DIAPH2: variants seen among roughly 807,000 people sequenced by gnomAD.
DIAPH2 encodes the protein diaphanous related formin 2.
DIAPH2 carries 35 observed loss-of-function variants against 92.7 expected under a neutral mutation model. That is an observed-to-expected ratio of 0.38 (90% CI 0.29 to 0.50). The LOEUF is 0.50. Ranked by LOEUF, DIAPH2 falls within the 20% of genes least tolerant of loss-of-function variation. DIAPH2 has a pLI of 0.94. For missense variants in DIAPH2, 701 were observed against 819.5 expected (o/e 0.86, Z 1.77); for synonymous variants, 301 against 280.4 (o/e 1.07, Z -0.73).
chrX:97,511,635 G>T (rs1274349963), intron 26 of DIAPH2, among the ~76,000 whole-genome samples: 97 of 109,887 alleles, frequency 8.8e-4, no homozygotes, highest in African/African-American at 3.2e-3. Context: ...GTATGATATT[G>T]GCTGTGGGTT....
intron 22 of DIAPH2, among the ~76,000 whole-genome samples, chrX:97,198,684 G>C (rs2147490398): frequency 9.0e-6 from 1 of 111,031 alleles, no homozygotes; most frequent in South Asian, 3.8e-4. Flanking sequence ...GCCAGCTACT[G>C]CATTTTTTAT....
chrX:96,895,362 TA>T (rs1289136173), intron 5 of DIAPH2, among the ~76,000 whole-genome samples: 1 of 111,568 alleles, frequency 9.0e-6, no homozygotes, highest in Non-Finnish European at 1.9e-5. Flanking sequence ...ATATAAAGGA[TA>T]TTAGATAAAT....
chrX:97,579,859 A>C (rs1013802816), intron 26 of DIAPH2, among the ~76,000 whole-genome samples: 2 of 109,661 alleles, frequency 1.8e-5, no homozygotes, highest in African/African-American at 6.7e-5. Flanking sequence ...AGCGGTTTGT[A>C]GTTCTCCTTG....
rs145423871 is a variant in DIAPH2 at position 97,472,198 on chromosome X, A to T, written c.3241+42453A>T. On this transcript the variant is annotated intron_variant, in intron 26 of 26. Coordinates refer to ENST00000324765, the MANE Select transcript of DIAPH2 (RefSeq NM_006729.5). Reference sequence around the variant, plus strand: ...TTTCAAATCATAGAGTTGAAAATTCATGCTGTGCTCTAGGCATTATTGATC... The same window carrying T: ...TTTCAAATCATAGAGTTGAAAATTCTTGCTGTGCTCTAGGCATTATTGATC... Among the ~76,000 whole-genome samples, 833 of 112,382 alleles carry T rather than the reference A, an allele frequency of 7.4e-3. 7 individuals carry two copies. The highest frequency in any genetic ancestry group is 0.012 in the Non-Finnish European group (653 of 53,290).
At chrX:97,269,652 A>G (rs1315635370) in intron 23 of DIAPH2, among the ~76,000 whole-genome samples, 2 of 111,854 alleles carry the variant, frequency 1.8e-5, no homozygotes, top group African/African-American at 3.2e-5. Context: ...TAACATCCAC[A>G]TGTCTGTGAG....
intron 23 of DIAPH2, among the ~76,000 whole-genome samples, chrX:97,266,142 TGTACA>T (rs1232794535): frequency 8.9e-6 from 1 of 111,919 alleles, no homozygotes; most frequent in African/African-American, 3.2e-5. Flanking sequence ...ATTGACCCTT[TGTACA>T]TTTCTCAAAT....
chrX:96,989,154 C>G (rs1330937983), intron 17 of DIAPH2, among the ~76,000 whole-genome samples: 1 of 111,629 alleles, frequency 9.0e-6, no homozygotes, highest in Non-Finnish European at 1.9e-5. Flanking sequence ...TTATCTTGTT[C>G]TTGTGGTTGA....
At chrX:97,229,795 TAA>T (rs758852769) in intron 22 of DIAPH2, among the ~76,000 whole-genome samples, 175 of 98,188 alleles carry the variant, frequency 1.8e-3, no homozygotes, top group African/African-American at 5.8e-3. Flanking sequence ...TTATATATAA[TAA>T]GATATAATAT....
intron 17 of DIAPH2, among the ~76,000 whole-genome samples, chrX:96,969,898 G>A (rs762774549): frequency 9.0e-6 from 1 of 110,912 alleles, no homozygotes; most frequent in Non-Finnish European, 1.9e-5. Context: ...TTATTTTGAG[G>A]TGTACCTAGT....
intron 22 of DIAPH2, among the ~76,000 whole-genome samples, chrX:97,213,528 A>G (rs948962213): frequency 6.3e-5 from 7 of 111,820 alleles, no homozygotes; most frequent in African/African-American, 1.9e-4. Context: ...ACTAAATACT[A>G]TTATATGTCA....
At chrX:97,450,883 CTTT>C (rs35721417) in intron 26 of DIAPH2, among the ~76,000 whole-genome samples, 3 of 94,571 alleles carry the variant, frequency 3.2e-5, no homozygotes, top group Non-Finnish European at 4.2e-5. Flanking sequence ...CAATGGGCTA[CTTT>C]TTTTTTTTTT....
intron 4 of DIAPH2, 21 bp from the exon 5 acceptor site, chrX:96,881,558 G>T: frequency 8.5e-7 from 1 of 1,175,743 alleles, no homozygotes; most frequent in Non-Finnish European, 1.1e-6. Flanking sequence ...GTCTAAAATG[G>T]TCTCTTTGTT....
At chrX:97,362,504 G>A (rs920086708) in intron 24 of DIAPH2, among the ~76,000 whole-genome samples, 4 of 112,192 alleles carry the variant, frequency 3.6e-5, no homozygotes, top group Non-Finnish European at 5.6e-5. Context: ...CACTGTTTGC[G>A]TTCTGTCTTT....
chrX:97,051,223 T>A (rs1317451092), intron 17 of DIAPH2, among the ~76,000 whole-genome samples: 1 of 111,242 alleles, frequency 9.0e-6, no homozygotes, highest in Non-Finnish European at 1.9e-5. Context: ...TATTAACTTT[T>A]ATAATACAGG....
intron 17 of DIAPH2, among the ~76,000 whole-genome samples, chrX:97,048,371 C>T (rs1349830316): frequency 9.0e-6 from 1 of 111,163 alleles, no homozygotes; most frequent in Non-Finnish European, 1.9e-5. Context: ...CATAGCATTC[C>T]TTATGATTAG....
intron 26 of DIAPH2, among the ~76,000 whole-genome samples, chrX:97,482,101 A>G (rs939622248): frequency 2.7e-5 from 3 of 112,405 alleles, no homozygotes; most frequent in African/African-American, 9.7e-5. Context: ...AGCACTAAGT[A>G]TACTAGAAAT....
chrX:97,405,538 A>G (rs1053975399), intron 25 of DIAPH2, among the ~76,000 whole-genome samples: 1 of 111,904 alleles, frequency 8.9e-6, no homozygotes, highest in African/African-American at 3.2e-5. Flanking sequence ...TGTGTAATGT[A>G]GGAACCATTA....
At chrX:97,038,557 CGGA>C (rs1191350559) in intron 17 of DIAPH2, among the ~76,000 whole-genome samples, 1 of 101,062 alleles carries the variant, frequency 9.9e-6, no homozygotes. Flanking sequence ...TTTCTTGAGA[CGGA>C]GTCTCTCTCA....
rs760706751 is a variant in DIAPH2 at position 97,286,851 on chromosome X, C to T, written c.2844+39012C>T. Among the ~76,000 whole-genome samples, 3 of 111,420 alleles carry T rather than the reference C, an allele frequency of 2.7e-5. 1 individual carries two copies. In the South Asian group the frequency reaches 1.1e-3, roughly 42 times the overall value. On this transcript the variant is annotated intron_variant, in intron 23 of 26. Transcript: ENST00000324765. Reference sequence around the variant, plus strand: ...CTGGGTCCCGCAACTTCAAGGAACACATTCCTTTTCTGAATAGCCTGATCA... The same window carrying T: ...CTGGGTCCCGCAACTTCAAGGAACATATTCCTTTTCTGAATAGCCTGATCA...
Sources: gnomAD v4.1 joint callset for allele counts (sites outside exome capture counted in the v4.1 genomes callset) on GRCh38, gnomAD v4.1.1 for gene constraint, MANE v1.5 for transcripts, NCBI Gene and HGNC (gene_info 2026-07-23, HGNC 2026-07-21) for gene names.